NUP42: variants seen among roughly 807,000 people sequenced by gnomAD.
The protein encoded by NUP42 is nucleoporin 42.
In NUP42, 47 loss-of-function variants were observed where a neutral mutation model predicts 35.9. The observed-to-expected ratio is 1.31, with a 90% confidence interval of 1.04 to 1.67. The LOEUF (loss-of-function observed/expected upper bound fraction) is 1.67. Among genes scored for constraint, NUP42 ranks in the 40% most tolerant of loss-of-function variants. NUP42 has a pLI of 0.00. For missense variants in NUP42, 514 were observed against 492.2 expected (o/e 1.04, Z -0.42); for synonymous variants, 173 against 173.3 (o/e 1.00, Z 0.01).
intron 3 of NUP42, among the ~76,000 whole-genome samples, chr7:23,192,231 A>T (rs1223004564): frequency 2.0e-5 from 3 of 152,132 alleles, no homozygotes; most frequent in East Asian, 1.9e-4. Flanking sequence ...AACGTACTGT[A>T]AGAGAAAAGA....
At chr7:23,198,202 A>ATTTT (rs1554296929) in intron 5 of NUP42, 7 of 107,168 alleles carry the variant, frequency 6.5e-5, no homozygotes, top group South Asian at 2.8e-4. Flanking sequence ...AAACAAAAGC[A>ATTTT]TTCTTTTTTT....
At position 23,185,243 on chromosome 7, in the gene NUP42, G is replaced by A; in HGVS notation, c.295G>A (p.Glu99Lys). 3.1e-6 allele frequency: 5 copies of A among 1,614,128 alleles called. No homozygotes were observed. The South Asian group carries it at 3.3e-5, about 11-fold the overall frequency. The change falls in exon 2 of 7, where the codon GAG (glutamate) becomes AAG (lysine). Residue 99 changes from glutamate to lysine, a missense_variant. By Grantham distance (56) the Glu-to-Lys change is moderately conservative. Transcript: ENST00000258742. Reference sequence around the variant, plus strand: ...CAGGAAGGAAGGCTTTGGATTGTCTGAGAACCCATTTGCTTCACTTAGTCC... The same window carrying A: ...CAGGAAGGAAGGCTTTGGATTGTCTAAGAACCCATTTGCTTCACTTAGTCC... Reference protein sequence around the residue: ...TNRKEGFGLSENPFASLSPDE... With the variant: ...TNRKEGFGLSKNPFASLSPDE...
chr7:23,199,652 A>C (rs1296577224), intron 6 of NUP42, 110 bp downstream of exon 6: 10 of 904,972 alleles, frequency 1.1e-5, no homozygotes, highest in Non-Finnish European at 1.8e-5. Flanking sequence ...AAATTCTACA[A>C]CCTTCCATCA....
rs779168050 is a variant in NUP42 at position 23,185,177 on chromosome 7, A to G, written c.229A>G (p.Lys77Glu). 15 of 1,614,074 alleles carry G rather than the reference A, an allele frequency of 9.3e-6. No individual in the cohort carries two copies. The highest frequency in any genetic ancestry group is 1.2e-5 in the Non-Finnish European group (14 of 1,180,036). ...ATGGGGGGGCAGCAGAGATCAAGAAAAGCCATATTTCAGTTCTTTTGATTC... is the reference window on the plus strand; with the variant it reads ...ATGGGGGGGCAGCAGAGATCAAGAAGAGCCATATTTCAGTTCTTTTGATTC... Reference protein sequence around the residue: ...TPWGGSRDQEKPYFSSFDSGA... With the variant: ...TPWGGSRDQEEPYFSSFDSGA... The change falls in exon 2 of 7, where the codon AAG (lysine) becomes GAG (glutamate). Residue 77 changes from lysine to glutamate, a missense_variant. By Grantham distance (56) the Lys-to-Glu change is moderately conservative. Coordinates refer to ENST00000258742, the MANE Select transcript of NUP42 (RefSeq NM_007342.3).
intron 1 of NUP42, 188 bp downstream of exon 1, chr7:23,182,394 G>A (rs933526176): frequency 3.7e-5 from 51 of 1,395,206 alleles, no homozygotes; most frequent in Non-Finnish European, 4.7e-5. Flanking sequence ...CATGTGGTCC[G>A]TTTTTATTGA....
chr7:23,200,106 G>A, intron 6 of NUP42, 62 bp from the exon 7 acceptor site: 10 of 1,163,144 alleles, frequency 8.6e-6, no homozygotes, highest in Non-Finnish European at 1.2e-5. Flanking sequence ...GGAAATAATT[G>A]TGACATTTTT....
intron 1 of NUP42, 96 bp from the exon 2 acceptor site, chr7:23,184,974 C>A: frequency 9.8e-7 from 1 of 1,022,448 alleles, no homozygotes; most frequent in Non-Finnish European, 1.4e-6. Context: ...CCACTGTACT[C>A]CACCCTGGGC....
At chr7:23,184,467 G>A (rs1272342237) in intron 1 of NUP42, among the ~76,000 whole-genome samples, 1 of 152,016 alleles carries the variant, frequency 6.6e-6, no homozygotes, top group African/African-American at 2.4e-5. Context: ...TCAAGCAGTT[G>A]TTCATTTAAT....
intron 5 of NUP42, among the ~76,000 whole-genome samples, chr7:23,199,131 T>C (rs1463609947): frequency 1.3e-5 from 2 of 152,204 alleles, no homozygotes; most frequent in African/African-American, 4.8e-5. Context: ...CTCTTTTCTT[T>C]TTTTGAGTCA....
chr7:23,190,832 T>A (rs973498872), intron 3 of NUP42, among the ~76,000 whole-genome samples: 2 of 152,240 alleles, frequency 1.3e-5, no homozygotes, highest in Admixed American at 6.5e-5. Flanking sequence ...ATACTACTTT[T>A]GCCCCATTTT....
intron 3 of NUP42, chr7:23,187,347 A>C (rs1464222899): frequency 2.4e-6 from 1 of 414,084 alleles, no homozygotes; most frequent in African/African-American, 2.1e-5. Flanking sequence ...TAAGACATAT[A>C]GTTCTTGGGA....
At chr7:23,196,239 CAA>C (rs1318121829) in intron 4 of NUP42, 1 of 194,422 alleles carries the variant, frequency 5.1e-6, no homozygotes, top group East Asian at 1.4e-4. Flanking sequence ...GCTAGAAAAA[CAA>C]AGTTAAATAA....
At chr7:23,188,479 T>A (rs999587585) in intron 3 of NUP42, 1 of 985,428 alleles carries the variant, frequency 1.0e-6, no homozygotes, top group African/African-American at 1.7e-5. Flanking sequence ...TGAGTATTAA[T>A]CCATTCCAAA....
chr7:23,190,827 A>G (rs879930414), intron 3 of NUP42, among the ~76,000 whole-genome samples: 1 of 152,234 alleles, frequency 6.6e-6, no homozygotes, highest in Non-Finnish European at 1.5e-5. Flanking sequence ...GAATGATACT[A>G]CTTTTGCCCC....
intron 3 of NUP42, among the ~76,000 whole-genome samples, chr7:23,191,261 C>T (rs560809174): frequency 3.9e-5 from 6 of 152,192 alleles, no homozygotes; most frequent in South Asian, 2.1e-4. Flanking sequence ...AAAAGAGGGA[C>T]GTGATCTGAT....
intron 2 of NUP42, 143 bp downstream of exon 2, chr7:23,185,441 C>CA: frequency 1.5e-6 from 1 of 658,030 alleles, no homozygotes; most frequent in East Asian, 2.8e-5. Context: ...ATTTTTAAAT[C>CA]AGAGTAGCAA....
chr7:23,182,774 C>A (rs1280166280), intron 1 of NUP42, among the ~76,000 whole-genome samples: 4 of 134,958 alleles, frequency 3.0e-5, no homozygotes, highest in African/African-American at 1.2e-4. Flanking sequence ...AATAGCCGGG[C>A]GTGGTGGCGC....
intron 3 of NUP42, among the ~76,000 whole-genome samples, chr7:23,193,383 T>A (rs150306944): frequency 0.052 from 7,948 of 152,208 alleles, 267 homozygotes; most frequent in South Asian, 0.1. Flanking sequence ...GGGTGCTGAT[T>A]GGTGCGTTTA....
intron 3 of NUP42, among the ~76,000 whole-genome samples, chr7:23,192,918 G>A (rs938772881): frequency 5.3e-5 from 8 of 152,192 alleles, no homozygotes; most frequent in South Asian, 4.1e-4. Context: ...GGACCCTCGC[G>A]GTGAGTGTTA....
Sources: gnomAD v4.1 joint callset for allele counts (sites outside exome capture counted in the v4.1 genomes callset) on GRCh38, gnomAD v4.1.1 for gene constraint, MANE v1.5 for transcripts, NCBI Gene and HGNC (gene_info 2026-07-23, HGNC 2026-07-21) for gene names.